The following CCM2L variants were observed in gnomAD, a reference collection of about 807,000 sequenced individuals.
The protein encoded by CCM2L is cerebral cavernous malformations 2 protein-like.
A neutral mutation model predicts 54.1 loss-of-function variants in CCM2L; 36 were observed. That is an observed-to-expected ratio of 0.67 (90% CI 0.51 to 0.88). The LOEUF is 0.88. Among genes scored for constraint, CCM2L ranks in the 40% least tolerant of loss-of-function variants. The pLI, the probability that CCM2L is intolerant of heterozygous loss-of-function variation, is 0.00. For synonymous variants in CCM2L, 351 were observed against 359.3 expected (o/e 0.98, Z 0.26); for missense variants, 700 against 812.1 (o/e 0.86, Z 1.68).
In CCM2L at chr20:32,022,783, C is replaced by T; in HGVS notation, c.1057C>T (p.Leu353Phe). ...HYTSTPERPW[L>F]CSRSESCHTD... ...CACATCCACACCTGAACGGCCATGG[C>T]TCTGCAGCCGCAGTGAGTACCAGAA... is the stretch of plus-strand genomic sequence containing the variant. The change falls in exon 6 of 10, where the codon CTC becomes TTC. Residue 353 changes from leucine to phenylalanine, a missense_variant. Physicochemically the swap from Leu to Phe is conservative, Grantham distance 22 (BLOSUM62 0). Coordinates refer to ENST00000452892, the MANE Select transcript of CCM2L (RefSeq NM_001365692.1). The T allele has an allele frequency of 6.2e-7, 1 of 1,613,096 alleles. No homozygotes were observed. The highest frequency in any genetic ancestry group is 2.2e-5 in the East Asian group (1 of 44,876).
chr20:32,013,497 G>A (rs540750030), intron 1 of CCM2L, among the ~76,000 whole-genome samples: 27 of 152,104 alleles, frequency 1.8e-4, no homozygotes, highest in South Asian at 4.2e-4. Flanking sequence ...GCTGGAGTAC[G>A]GTGTTGCAAT....
chr20:32,011,802 G>C (rs995496097), intron 1 of CCM2L, among the ~76,000 whole-genome samples: 1 of 151,864 alleles, frequency 6.6e-6, no homozygotes, highest in African/African-American at 2.4e-5. Flanking sequence ...AAGGAGGACT[G>C]TGTAGTGGGG....
rs764333005 is a variant in CCM2L at position 32,022,644 on chromosome 20, C to T, written c.934-16C>T. The T allele has an allele frequency of 2.5e-6, 4 of 1,613,434 alleles. No individual in the cohort carries two copies. Among genetic ancestry groups the T allele is most frequent in the African/African-American group, 1.3e-5 (1 of 75,038 alleles). On this transcript the variant is annotated splice_polypyrimidine_tract_variant and intron_variant, in intron 5 of 9. Coordinates refer to ENST00000452892, the MANE Select transcript of CCM2L (RefSeq NM_001365692.1). ...TTGGTGAGGACCTGAGCTCTCTCTC[C>T]TCCTCCCTGGGCCAGGACGCTGCAG...
chr20:32,014,972 C>G lies in CCM2L; in HGVS notation c.99C>G (p.Ser33Arg), dbSNP rs112249840. The G allele has an allele frequency of 2.8e-5, 45 of 1,596,136 alleles. No individual in the cohort carries two copies. Among genetic ancestry groups the G allele is most frequent in the Middle Eastern group, 3.3e-4 (2 of 6,022 alleles). Reference sequence around the variant, plus strand: ...GGCGCCGGGCAGCCTGTAGGAGCAGCGTGAGCCGCCGGCCCCTGCACTCGA... The same window carrying G: ...GGCGCCGGGCAGCCTGTAGGAGCAGGGTGAGCCGCCGGCCCCTGCACTCGA... ...KAGRRAACRS[S>R]VSRRPLHSMP... Residue 33 changes from serine to arginine, a missense_variant, in exon 2 of 10, where the codon AGC becomes AGG. Physicochemically the swap from Ser to Arg is moderately radical, Grantham distance 110 (BLOSUM62 -1). Coordinates refer to ENST00000452892, the MANE Select transcript of CCM2L (RefSeq NM_001365692.1).
In CCM2L at chr20:32,018,945, C is replaced by A; in HGVS notation, c.469C>A (p.Leu157Met). ...GACGGTCCCCCGGACTCTCCTAGGT[C>A]TGGGTGTGGACCCGGTGCCGGCCGG... is the stretch of plus-strand genomic sequence containing the variant. ...ALHLLVLKTG[L>M]GVDPVPAGVD... Residue 157 changes from leucine to methionine, a missense_variant and splice_region_variant, in exon 5 of 10, where the codon CTG becomes ATG. Leu to Met is a conservative substitution (Grantham distance 15). Transcript: ENST00000452892. 1 of 1,393,288 alleles carries A rather than the reference C, an allele frequency of 7.2e-7. No homozygotes were observed. The highest frequency in any genetic ancestry group is 1.5e-5 in the South Asian group (1 of 64,584). The allele number at this position is 1,393,288 out of a possible 1,614,324, so 86.3% of individuals were successfully genotyped here.
chr20:32,030,061 T>C (rs960380084), intron 9 of CCM2L, among the ~76,000 whole-genome samples: 4 of 152,194 alleles, frequency 2.6e-5, no homozygotes, highest in South Asian at 2.1e-4. Context: ...AGCAGTGGTG[T>C]GGCCATTTCA....
At chr20:32,011,098 C>T (rs948631034) in intron 1 of CCM2L, among the ~76,000 whole-genome samples, 1 of 151,928 alleles carries the variant, frequency 6.6e-6, no homozygotes, top group African/African-American at 2.4e-5. Context: ...TCCATCTTAC[C>T]CCCATTTCCA....
At chr20:32,018,887 C>A (rs1568915927) in intron 4 of CCM2L, 56 bp from the exon 5 acceptor site, 2 of 1,246,186 alleles carry the variant, frequency 1.6e-6, no homozygotes, top group South Asian at 2.8e-5. Context: ...CTCGGCGGGG[C>A]GGGGGGGTCT....
chr20:32,027,533 A>G (rs549716796), intron 7 of CCM2L, among the ~76,000 whole-genome samples: 1 of 152,332 alleles, frequency 6.6e-6, no homozygotes, highest in South Asian at 2.1e-4. Context: ...TGATGACACT[A>G]ATTATTATTA....
At chr20:32,027,336 C>T (rs542780227) in intron 7 of CCM2L, among the ~76,000 whole-genome samples, 1 of 152,202 alleles carries the variant, frequency 6.6e-6, no homozygotes, top group African/African-American at 2.4e-5. Flanking sequence ...CTTTAAACAA[C>T]CAGATATCTA....
intron 5 of CCM2L, among the ~76,000 whole-genome samples, chr20:32,021,623 G>A (rs558273385): frequency 2.6e-5 from 4 of 152,052 alleles, no homozygotes; most frequent in Middle Eastern, 3.4e-3. Flanking sequence ...GCCACTGGGC[G>A]ACCGGAGTGT....
Position 32,013,339 on chromosome 20 carries a change from G to C in CCM2L, c.31-1565G>C, listed in dbSNP as rs907767454. Among the ~76,000 whole-genome samples, 5 of 152,146 alleles carry C rather than the reference G, an allele frequency of 3.3e-5. 1 individual carries two copies. The South Asian group carries it at 1.0e-3, about 32-fold the overall frequency. ...TAAAAAATTTTATGCCTGGGTCTCA[G>C]TCCCAGAATTTCTTATTCAGTTGGT... is the stretch of plus-strand genomic sequence containing the variant. On this transcript the variant is annotated intron_variant, in intron 1 of 9. Coordinates refer to ENST00000452892, the MANE Select transcript of CCM2L (RefSeq NM_001365692.1).
chr20:32,020,961 GT>G (rs934914411), intron 5 of CCM2L, among the ~76,000 whole-genome samples: 3 of 152,024 alleles, frequency 2.0e-5, no homozygotes, highest in Non-Finnish European at 4.4e-5. Flanking sequence ...GCAAGACTCC[GT>G]CTCAAAACAA....
At chr20:32,014,246 C>CATATATATATAT (rs572945733) in intron 1 of CCM2L, among the ~76,000 whole-genome samples, 1 of 137,516 alleles carries the variant, frequency 7.3e-6, no homozygotes, top group Non-Finnish European at 1.5e-5. Context: ...TATGTGTGTA[C>CATATATATATAT]ATATATATAT....
Position 32,018,166 on chromosome 20 carries a change from C to T in CCM2L, c.466+4C>T. ...CACCTGCTAGTGCTCAAGACCGGTG[C>T]GGCGGGAGGGGGCGGGGGCGGGGGA... On this transcript the variant is annotated splice_donor_region_variant and intron_variant, in intron 4 of 9. Transcript: ENST00000452892. 7.8e-7 allele frequency: 1 copy of T among 1,284,440 alleles called. No homozygotes were observed. Among genetic ancestry groups the T allele is most frequent in the Non-Finnish European group, 1.0e-6 (1 of 995,106 alleles). The allele number at this position is 1,284,440 out of a possible 1,614,324, so 79.6% of individuals were successfully genotyped here.
At chr20:32,017,679 G>A (rs773527831) in intron 2 of CCM2L, 121 bp from the exon 3 acceptor site, 2 of 828,044 alleles carry the variant, frequency 2.4e-6, no homozygotes, top group Admixed American at 3.5e-5. Flanking sequence ...TTATTATCAG[G>A]TATATTAATT....
rs886463496 is a variant in CCM2L at position 32,018,863 on chromosome 20, G to A, written c.467-80G>A. On this transcript the variant is annotated intron_variant, in intron 4 of 9. Transcript: ENST00000452892. ...GTGGAACCCCAGAGCCGCGAGGTCA[G>A]GTGGCCAGCCGGCCTCGGCGGGGCG... The A allele has an allele frequency of 1.9e-5, 23 of 1,235,816 alleles. No homozygotes were observed. The African/African-American group carries it at 2.5e-4, about 14-fold the overall frequency. 76.6% of individuals were successfully genotyped at this position (1,235,816 alleles called of 1,614,324 possible).
intron 1 of CCM2L, among the ~76,000 whole-genome samples, chr20:32,012,059 A>T (rs547225920): frequency 7.9e-5 from 12 of 151,922 alleles, no homozygotes; most frequent in Middle Eastern, 3.4e-3. Context: ...AATTTTGCAC[A>T]TGCTGTGCCC....
rs2064752375 is a variant in CCM2L, at chr20:32,017,776, T to C, written c.199-24T>C. 2.5e-6 allele frequency: 4 copies of C among 1,604,672 alleles called. No homozygotes were observed. The African/African-American group carries it at 5.3e-5, about 21-fold the overall frequency. On this transcript the variant is annotated intron_variant, in intron 2 of 9. Coordinates refer to ENST00000452892, the MANE Select transcript of CCM2L (RefSeq NM_001365692.1). The stretch of plus-strand genomic sequence containing the variant: ...TTTCAGGGTGACATCTCTGTGTCCT[T>C]CTCTCACCCCGATTTCCATCCAGTT...
Sources: gnomAD v4.1 joint callset for allele counts (sites outside exome capture counted in the v4.1 genomes callset) on GRCh38, gnomAD v4.1.1 for gene constraint, MANE v1.5 for transcripts, NCBI Gene and HGNC (gene_info 2026-07-23, HGNC 2026-07-21) for gene names.